VWA5B2: variants seen among roughly 807,000 people sequenced by gnomAD.
VWA5B2 encodes von Willebrand factor A domain-containing protein 5B2.
In VWA5B2, 93 loss-of-function variants were observed where a neutral mutation model predicts 118.5. The observed-to-expected ratio is 0.79, with a 90% CI of 0.66 to 0.93. The LOEUF (loss-of-function observed/expected upper bound fraction) is 0.93. VWA5B2 is among the 40% of genes least tolerant of loss of function. VWA5B2 has a pLI of 0.00. For synonymous variants in VWA5B2, 708 were observed against 716.3 expected (o/e 0.99, Z 0.19); for missense variants, 1,546 against 1,672.8 (o/e 0.92, Z 1.32).
chr3:184,234,927 G>A (rs1339296605), intron 7 of VWA5B2, 172 bp downstream of exon 7: 1 of 1,179,332 alleles, frequency 8.5e-7, no homozygotes, highest in Admixed American at 2.8e-5. Flanking sequence ...TCATTGGAGG[G>A]CCGATGTGAA....
Position 184,240,014 on chromosome 3 carries a change from G to A in VWA5B2, c.2718G>A (p.Gly906=), listed in dbSNP as rs572090583. ...RDNEQLALRG[G]AETTADRGHA... ...ATGAGCAGCTGGCCCTCCGAGGAGG[G>A]GCAGAGACCACAGCTGACCGGGGTG... Residue 906 remains glycine (G), a synonymous_variant, in exon 16 of 20, where the codon GGG becomes GGA. Coordinates refer to ENST00000691901, the MANE Select transcript of VWA5B2 (RefSeq NM_001390846.1). 1.6e-5 allele frequency: 25 copies of A among 1,546,680 alleles called. No individual in the cohort carries two copies. The African/African-American group carries it at 1.6e-4, about 10-fold the overall frequency.
In VWA5B2 at chr3:184,235,288, A is replaced by G; in HGVS notation, c.1081A>G (p.Ser361Gly). ...TCGGGAGCTACTCTTCCTTTTGGAT[A>G]GCAGCAGCGTGGCACACAAGGCCCG... ...ATRELLFLLDSSSVAHKDAIV... is the reference protein window; with the variant it reads ...ATRELLFLLDGSSVAHKDAIV... Residue 361 changes from serine (S) to glycine (G), a missense_variant, in exon 8 of 20, where the codon AGC (serine) becomes GGC (glycine). This residue lies in a region of VWA5B2 where 775 missense variants were observed against 882.3 expected (regional missense o/e 0.88). Transcript: ENST00000691901. 6.4e-7 allele frequency: 1 copy of G among 1,551,468 alleles called. No individual in the cohort carries two copies. The highest frequency in any genetic ancestry group is 8.7e-7 in the Non-Finnish European group (1 of 1,146,904).
chr3:184,236,978 G>A lies in VWA5B2; in HGVS notation c.1533+229G>A, dbSNP rs73884902. Among the ~76,000 whole-genome samples the A allele has an allele frequency of 2.5e-3, 383 of 152,246 alleles. 1 individual carries two copies. Among genetic ancestry groups the A allele is most frequent in the African/African-American group, 8.7e-3 (363 of 41,546 alleles). Reference sequence around the variant, plus strand: ...CCATTTAGTCCTGGAACGGAGCCTCGTCCTCACAGTCTTGCCCCATCCATG... The same window carrying A: ...CCATTTAGTCCTGGAACGGAGCCTCATCCTCACAGTCTTGCCCCATCCATG... On this transcript the variant is annotated intron_variant, in intron 11 of 19. Coordinates refer to ENST00000691901, the MANE Select transcript of VWA5B2 (RefSeq NM_001390846.1).
At chr3:184,232,226 A>C (rs1359417024) in intron 3 of VWA5B2, among the ~76,000 whole-genome samples, 2 of 152,078 alleles carry the variant, frequency 1.3e-5, no homozygotes, top group African/African-American at 4.8e-5. Context: ...CTTTGCATAC[A>C]TTGCCTCATT....
chr3:184,232,341 C>T (rs182504578), intron 3 of VWA5B2, among the ~76,000 whole-genome samples: 10 of 152,284 alleles, frequency 6.6e-5, no homozygotes, highest in African/African-American at 2.2e-4. Context: ...TAGAGGTCAC[C>T]GAGCTGATAT....
chr3:184,236,009 T>C (rs1717942774), intron 8 of VWA5B2, 143 bp from the exon 9 acceptor site: 2 of 734,312 alleles, frequency 2.7e-6, no homozygotes, highest in South Asian at 1.8e-5. Context: ...CTGGCACACT[T>C]TCCCTCACAC....
intron 1 of VWA5B2, among the ~76,000 whole-genome samples, 166 bp from the exon 2 acceptor site, chr3:184,230,214 G>A (rs1717233142): frequency 6.6e-6 from 1 of 152,188 alleles, no homozygotes; most frequent in African/African-American, 2.4e-5. Context: ...TGGAACAGCT[G>A]TGACCGCCCC....
intron 5 of VWA5B2, 58 bp from the exon 6 acceptor site, chr3:184,234,208 G>A: frequency 6.5e-7 from 1 of 1,535,640 alleles, no homozygotes; most frequent in Admixed American, 2.0e-5. Flanking sequence ...GCCAACATTT[G>A]CTGTCCCTGG....
Position 184,239,808 on chromosome 3 carries a change from C to T in VWA5B2, c.2512C>T (p.Arg838Cys), listed in dbSNP as rs753283528. Residue 838 changes from arginine (R) to cysteine (C), a missense_variant, in exon 16 of 20, where the codon CGC becomes TGC. Transcript: ENST00000691901. This position sits in a 1 kb window ranked among gnomAD's most constrained non-coding sequence, Gnocchi z 5.1. ...APPAVPPQAP[R>C]CHVVIRGLCG... The stretch of plus-strand genomic sequence containing the variant: ...TCCAGCAGTGCCTCCCCAGGCTCCA[C>T]GCTGCCATGTGGTGATCCGGGGCCT... 2.1e-5 allele frequency: 33 copies of T among 1,548,146 alleles called. No individual in the cohort carries two copies. Among genetic ancestry groups the T allele is most frequent in the Middle Eastern group, 1.7e-4 (1 of 6,002 alleles).
chr3:184,234,478 C>G, intron 6 of VWA5B2, 81 bp downstream of exon 6: 3 of 1,539,768 alleles, frequency 1.9e-6, no homozygotes, highest in Non-Finnish European at 2.6e-6. Context: ...GTGCAGGTTT[C>G]TGGGCCCCAG....
chr3:184,231,062 G>A, intron 3 of VWA5B2, 145 bp downstream of exon 3: 1 of 1,183,598 alleles, frequency 8.4e-7, no homozygotes, highest in Non-Finnish European at 1.0e-6. Context: ...TAGCAGTCGT[G>A]GGCTGGGCAC....
At position 184,233,536 on chromosome 3, in the gene VWA5B2, T is replaced by C. The variant is rs1338271153; in HGVS notation, c.531-40T>C. 54 of 1,542,086 alleles carry C rather than the reference T, an allele frequency of 3.5e-5. No individual in the cohort carries two copies. The highest frequency in any genetic ancestry group is 4.5e-5 in the Non-Finnish European group (51 of 1,142,472). On this transcript the variant is annotated intron_variant, in intron 4 of 19. Coordinates refer to ENST00000691901, the MANE Select transcript of VWA5B2 (RefSeq NM_001390846.1). The surrounding 1 kb of genome is among the most constrained non-coding windows in gnomAD (Gnocchi z 5.2). The stretch of plus-strand genomic sequence containing the variant: ...CAGTCAGCCGGAGGGTTTAGGGGCC[T>C]TCACAGTGGCCCAGTGACCCTCCTC...
At position 184,240,773 on chromosome 3, in the gene VWA5B2, T is replaced by G. The variant is rs554585752; in HGVS notation, c.2741-18T>G. 1 of 1,549,768 alleles carries G rather than the reference T, an allele frequency of 6.5e-7. No individual in the cohort carries two copies. Among genetic ancestry groups the G allele is most frequent in the Admixed American group, 2.0e-5 (1 of 50,970 alleles). ...GGTGGGTGGTGGGGGCTCCACAGAC[T>G]GCTCCTTGGTTCCACAGGCCATGCC... On this transcript the variant is annotated intron_variant, in intron 16 of 19. Coordinates refer to ENST00000691901, the MANE Select transcript of VWA5B2 (RefSeq NM_001390846.1).
Position 184,241,752 on chromosome 3 carries a change from C to T in VWA5B2, c.3443C>T (p.Thr1148Ile). ...GTGGACAGTGGGCGGGGCTCAGACACCGAGGCCTCCGAGGGGGCGGAAGGG... is the reference window on the plus strand; with the variant it reads ...GTGGACAGTGGGCGGGGCTCAGACATCGAGGCCTCCGAGGGGGCGGAAGGG... ...GQVDSGRGSDTEASEGAEGLG... is the reference protein window; with the variant it reads ...GQVDSGRGSDIEASEGAEGLG... The change falls in exon 20 of 20, where the codon ACC becomes ATC. Residue 1148 changes from threonine to isoleucine, a missense_variant. Thr to Ile is a moderately conservative substitution (Grantham distance 89, BLOSUM62 -1). This residue lies in a region of VWA5B2 where 763 missense variants were observed against 766.6 expected (regional missense o/e 1.00). Coordinates refer to ENST00000691901, the MANE Select transcript of VWA5B2 (RefSeq NM_001390846.1). The surrounding 1 kb of genome is among the most constrained non-coding windows in gnomAD (Gnocchi z 5.1). The T allele has an allele frequency of 6.7e-7, 1 of 1,481,534 alleles. No individual in the cohort carries two copies. The highest frequency in any genetic ancestry group is 8.9e-7 in the Non-Finnish European group (1 of 1,118,834). The allele number at this position is 1,481,534 out of a possible 1,614,324, so 91.8% of individuals were successfully genotyped here. A position where few individuals can be genotyped will look rare whatever the true frequency, so the allele number is the denominator to read the frequency against.
intron 3 of VWA5B2, 33 bp downstream of exon 3, chr3:184,230,950 A>G (rs1285270199): frequency 2.5e-6 from 3 of 1,209,022 alleles, no homozygotes; most frequent in Non-Finnish European, 3.1e-6. Context: ...CGCGCTCCTG[A>G]AAGCCGGGCG....
rs1717261265 is a variant in VWA5B2 at position 184,230,439 on chromosome 3, C to A, written c.-90C>A. 2 of 1,321,566 alleles carry A rather than the reference C, an allele frequency of 1.5e-6. No individual in the cohort carries two copies. Among genetic ancestry groups the A allele is most frequent in the Non-Finnish European group, 1.9e-6 (2 of 1,034,508 alleles). The allele number at this position is 1,321,566 out of a possible 1,614,324, so 81.9% of individuals were successfully genotyped here. ...CGTCCGGGTGCTGGAGTGAGACTCT[C>A]GCGCTGGCCTCTGGAGCGCGGGGTG... On this transcript the variant is annotated 5_prime_UTR_variant, in exon 2 of 20. Transcript: ENST00000691901.
At chr3:184,235,491 A>G (rs1230239586) in intron 8 of VWA5B2, among the ~76,000 whole-genome samples, 183 bp downstream of exon 8, 2 of 152,160 alleles carry the variant, frequency 1.3e-5, no homozygotes, top group East Asian at 3.8e-4. Flanking sequence ...TCCAACCGCC[A>G]AACAGACACT....
At position 184,241,413 on chromosome 3, in the gene VWA5B2, TCGG is replaced by T. The variant is rs1718623654; in HGVS notation, c.3180+10_3180+12del. On this transcript the variant is annotated intron_variant, in intron 19 of 19. Transcript: ENST00000691901. The surrounding 1 kb of genome is among the most constrained non-coding windows in gnomAD (Gnocchi z 5.1). ...ATGACTACCTGCCCTTGGTGAGGAC[TCGG>T]GAGGTGGAGGGTGGTGCCGCCGGGG... 15 of 1,578,146 alleles carry T rather than the reference TCGG, an allele frequency of 9.5e-6. No homozygotes were observed. The highest frequency in any genetic ancestry group is 1.2e-5 in the Non-Finnish European group (14 of 1,161,184).
Position 184,236,385 on chromosome 3 carries a change from G to A in VWA5B2, c.1255G>A (p.Val419Ile). Residue 419 changes from valine to isoleucine, a missense_variant, in exon 10 of 20, where the codon GTT becomes ATT. Physicochemically the swap from Val to Ile is conservative, Grantham distance 29 (BLOSUM62 3). This residue lies in a region of VWA5B2 where 775 missense variants were observed against 882.3 expected (regional missense o/e 0.88). Coordinates refer to ENST00000691901, the MANE Select transcript of VWA5B2 (RefSeq NM_001390846.1). ...LICESIETLQVPSGPPDVLAA... is the reference protein window; with the variant it reads ...LICESIETLQIPSGPPDVLAA... Reference sequence around the variant, plus strand: ...CTGCGAGAGCATTGAGACCCTGCAGGTTCCGAGTGGGCCCCCAGACGTGCT... The same window carrying A: ...CTGCGAGAGCATTGAGACCCTGCAGATTCCGAGTGGGCCCCCAGACGTGCT... 1 of 1,546,486 alleles carries A rather than the reference G, an allele frequency of 6.5e-7. No homozygotes were observed. Among genetic ancestry groups the A allele is most frequent in the Non-Finnish European group, 8.7e-7 (1 of 1,143,982 alleles).
Sources: gnomAD v4.1 joint callset for allele counts (sites outside exome capture counted in the v4.1 genomes callset) on GRCh38, gnomAD v4.1.1 for gene constraint, gnomAD v4.1.1 regional missense constraint, Gnocchi (gnomAD v3.1) non-coding constraint, MANE v1.5 for transcripts, NCBI Gene and HGNC (gene_info 2026-07-23, HGNC 2026-07-21) for gene names.